The following ATP10A variants were observed in gnomAD, a reference collection of about 807,000 sequenced individuals.
ATP10A encodes the protein ATPase phospholipid transporting 10A (putative), also known as phospholipid-transporting ATPase VA.
A neutral mutation model predicts 147.8 loss-of-function variants in ATP10A; 111 were observed. That is an observed-to-expected ratio of 0.75 (90% CI 0.64 to 0.88). ATP10A has a LOEUF of 0.88. Ranked by LOEUF, ATP10A falls within the 40% of genes least tolerant of loss-of-function variation. The pLI, the probability that ATP10A is intolerant of heterozygous loss-of-function variation, is 0.00. For missense variants in ATP10A, 1,927 were observed against 1,959.0 expected, an observed-to-expected ratio of 0.98 and a Z score of 0.31; for synonymous variants, 875 against 841.6, an observed-to-expected ratio of 1.04 and a Z score of -0.69.
At chr15:25,701,806 T>A in intron 13 of ATP10A, 110 bp downstream of exon 13, 1 of 1,088,464 alleles carries the variant, frequency 9.2e-7, no homozygotes, top group South Asian at 1.6e-5. Context: ...ATGCGGAGGG[T>A]GAGGTCCTTC....
chr15:25,809,219 G>A (rs11161224), intron 1 of ATP10A, among the ~76,000 whole-genome samples: 84,399 of 151,844 alleles, frequency 0.56, 24,503 homozygotes, highest in East Asian at 0.8. Context: ...CCAACTGAGT[G>A]TGGGGTGGGG....
At chr15:25,857,172 A>G (rs1893555351) in intron 1 of ATP10A, among the ~76,000 whole-genome samples, 1 of 152,234 alleles carries the variant, frequency 6.6e-6, no homozygotes, top group African/African-American at 2.4e-5. Flanking sequence ...GGCTGGGCAC[A>G]CTGGCTCAGG....
At chr15:25,797,435 CT>C (rs937487930) in intron 1 of ATP10A, among the ~76,000 whole-genome samples, 41 of 152,184 alleles carry the variant, frequency 2.7e-4, no homozygotes, top group African/African-American at 9.6e-4. Flanking sequence ...GCCCTGGCCC[CT>C]GGCCCCTGCC....
intron 2 of ATP10A, among the ~76,000 whole-genome samples, chr15:25,751,214 C>T (rs1888140498): frequency 1.3e-5 from 2 of 152,026 alleles, no homozygotes; most frequent in East Asian, 3.9e-4. Context: ...AGAATATTGC[C>T]AGGGATTTAT....
intron 1 of ATP10A, among the ~76,000 whole-genome samples, chr15:25,859,044 C>T (rs147233499): frequency 2.0e-5 from 3 of 152,342 alleles, no homozygotes; most frequent in African/African-American, 4.8e-5. Context: ...CCCCTCACCC[C>T]TGCTGTGGAA....
At chr15:25,724,875 A>C (rs973400284) in intron 5 of ATP10A, among the ~76,000 whole-genome samples, 5 of 152,362 alleles carry the variant, frequency 3.3e-5, no homozygotes, top group Middle Eastern at 3.4e-3. Flanking sequence ...CAAAAATATT[A>C]GGAGAAAAAA....
Position 25,679,635 on chromosome 15 carries a change from G to A in ATP10A, c.4206C>T (p.Val1402=), listed in dbSNP as rs765960474. The A allele has an allele frequency of 6.2e-6, 10 of 1,613,258 alleles. No individual in the cohort carries two copies. The highest frequency in any genetic ancestry group is 8.5e-6 in the Non-Finnish European group (10 of 1,180,000). ...APMSSAPGEA[V]LRSPGGCPEE... The stretch of plus-strand genomic sequence containing the variant: ...CAGGACACCCTCCTGGACTCCTCAG[G>A]ACAGCCTCCCCTGGCGCAGAGGACA... The change falls in exon 21 of 21, where the codon GTC becomes GTT. Residue 1402 remains valine, a synonymous_variant. Transcript: ENST00000555815.
intron 1 of ATP10A, among the ~76,000 whole-genome samples, chr15:25,859,837 A>G (rs1246986596): frequency 6.6e-6 from 1 of 152,154 alleles, no homozygotes; most frequent in Non-Finnish European, 1.5e-5. Context: ...CTGCACATCC[A>G]CATACAAGGG....
intron 12 of ATP10A, 117 bp from the exon 13 acceptor site, chr15:25,702,217 T>C (rs1487553472): frequency 1.9e-6 from 2 of 1,071,822 alleles, no homozygotes; most frequent in African/African-American, 3.2e-5. Flanking sequence ...CAGCCCCTGT[T>C]GCCTGGGCCT....
rs996092700 is a variant in ATP10A at position 25,798,488 on chromosome 15, C to T, written c.450-17265G>A. 8.5e-5 allele frequency among the ~76,000 whole-genome samples: 13 copies of T among 152,120 alleles called. 1 individual carries two copies. Among genetic ancestry groups the T allele is most frequent in the Admixed American group, 2.0e-4 (3 of 15,276 alleles). On this transcript the variant is annotated intron_variant, in intron 1 of 20. Coordinates refer to ENST00000555815, the MANE Select transcript of ATP10A (RefSeq NM_024490.4). The stretch of plus-strand genomic sequence containing the variant: ...GTCCATTTGTCATAGATAAGGGGGC[C>T]GAAGCCCAGATTCATCTGGGTGACA...
At chr15:25,695,839 C>A (rs1369791516) in intron 13 of ATP10A, among the ~76,000 whole-genome samples, 1 of 151,792 alleles carries the variant, frequency 6.6e-6, no homozygotes, top group African/African-American at 2.4e-5. Context: ...AACTGCAGGA[C>A]ACAAAGCTCT....
chr15:25,851,003 T>C (rs1893273140), intron 1 of ATP10A, among the ~76,000 whole-genome samples: 1 of 151,956 alleles, frequency 6.6e-6, no homozygotes, highest in African/African-American at 2.4e-5. Flanking sequence ...AGACATCACT[T>C]CTTGGGGGAA....
At chr15:25,824,632 A>G (rs928101123) in intron 1 of ATP10A, among the ~76,000 whole-genome samples, 31 of 150,706 alleles carry the variant, frequency 2.1e-4, no homozygotes, top group Non-Finnish European at 3.2e-4. Flanking sequence ...AAGATGGTGG[A>G]GTGAAGGACC....
chr15:25,710,439 C>T (rs1023917291), intron 10 of ATP10A: 3 of 152,154 alleles, frequency 2.0e-5, no homozygotes, highest in African/African-American at 4.8e-5. Context: ...ACAGCAGGGC[C>T]GAGACAGCTG....
At chr15:25,691,640 G>T (rs1475122666) in intron 15 of ATP10A, 75 bp downstream of exon 15, 1 of 1,482,534 alleles carries the variant, frequency 6.7e-7, no homozygotes, top group Non-Finnish European at 9.4e-7. Flanking sequence ...GGAAGTCGGG[G>T]ACAGCCCACA....
rs1007843764 is a variant in ATP10A at position 25,828,774 on chromosome 15, C to A, written c.449+33874G>T. ...AATACACAGTATTCCAGTAAGTGAA[C>A]CATGATATCTAATTATTATATGGAT... On this transcript the variant is annotated intron_variant, in intron 1 of 20. Coordinates refer to ENST00000555815, the MANE Select transcript of ATP10A (RefSeq NM_024490.4). 2.0e-5 allele frequency among the ~76,000 whole-genome samples: 3 copies of A among 152,166 alleles called. No individual in the cohort carries two copies. The East Asian group carries it at 5.8e-4, about 29-fold the overall frequency.
At chr15:25,818,021 C>A (rs1891737540) in intron 1 of ATP10A, among the ~76,000 whole-genome samples, 1 of 151,672 alleles carries the variant, frequency 6.6e-6, no homozygotes, top group African/African-American at 2.4e-5. Context: ...AACTTATTAA[C>A]ATTGCTGTCA....
At chr15:25,761,150 A>T (rs1275571042) in intron 2 of ATP10A, among the ~76,000 whole-genome samples, 1 of 152,242 alleles carries the variant, frequency 6.6e-6, no homozygotes, top group Non-Finnish European at 1.5e-5. Flanking sequence ...CAAAATATTT[A>T]TACTGAGAGA....
intron 12 of ATP10A, among the ~76,000 whole-genome samples, chr15:25,702,934 C>T (rs1406604706): frequency 6.6e-6 from 1 of 151,974 alleles, no homozygotes; most frequent in African/African-American, 2.4e-5. Context: ...GTTTGTGTCC[C>T]CCAGATCCAT....
Sources: allele counts gnomAD v4.1 joint callset (sites outside exome capture counted in the v4.1 genomes callset), GRCh38; gene constraint gnomAD v4.1.1; transcripts MANE v1.5; gene names NCBI Gene and HGNC (gene_info 2026-07-23, HGNC 2026-07-21).